Variants in TBC1D12 observed in about 807,000 individuals in gnomAD.
TBC1D12 encodes TBC1 domain family, member 12.
TBC1D12 carries 56 observed loss-of-function variants against 86.7 expected under a neutral mutation model. That is an observed-to-expected ratio of 0.65 (90% CI 0.52 to 0.81). The LOEUF (loss-of-function observed/expected upper bound fraction) is 0.81, where lower values mean the gene tolerates loss of function less well. Ranked by LOEUF, TBC1D12 falls within the 30% of genes least tolerant of loss-of-function variation. TBC1D12 has a pLI of 0.00. For missense variants in TBC1D12, 1,023 were observed against 1,038.8 expected (o/e 0.98, Z 0.21); for synonymous variants, 421 against 411.7 (o/e 1.02, Z -0.27).
chr10:94,505,504 G>A (rs556361521), intron 6 of TBC1D12, among the ~76,000 whole-genome samples: 1 of 152,226 alleles, frequency 6.6e-6, no homozygotes, highest in East Asian at 1.9e-4. Context: ...ACCCGGGAGG[G>A]GGAGGTTGCA....
chr10:94,402,866 C>T lies in TBC1D12; in HGVS notation c.253C>T (p.Leu85Phe). The T allele has an allele frequency of 6.6e-7, 1 of 1,526,296 alleles. No homozygotes were observed. The highest frequency in any genetic ancestry group is 8.8e-7 in the Non-Finnish European group (1 of 1,138,738). The allele number at this position is 1,526,296 out of a possible 1,614,324, so 94.5% of individuals were successfully genotyped here. Residue 85 changes from leucine (L) to phenylalanine (F), a missense_variant, in exon 1 of 13, where the codon CTC (leucine) becomes TTC (phenylalanine). Transcript: ENST00000225235. ...AAAGEQLEPG[L>F]CYCPLPAGQA... ...GGCCGGGGAGCAGCTGGAGCCGGGGCTCTGCTACTGTCCGCTCCCCGCTGG... is the reference window on the plus strand; with the variant it reads ...GGCCGGGGAGCAGCTGGAGCCGGGGTTCTGCTACTGTCCGCTCCCCGCTGG...
At chr10:94,461,595 T>A (rs1406972829) in intron 2 of TBC1D12, among the ~76,000 whole-genome samples, 1 of 152,158 alleles carries the variant, frequency 6.6e-6, no homozygotes, top group Non-Finnish European at 1.5e-5. Flanking sequence ...TCCTGGAGTT[T>A]TGTTTAATTT....
At chr10:94,440,371 C>G (rs2055363089) in intron 1 of TBC1D12, among the ~76,000 whole-genome samples, 2 of 151,894 alleles carry the variant, frequency 1.3e-5, no homozygotes, top group South Asian at 2.1e-4. Flanking sequence ...GAAACAGGGT[C>G]TCACTACATT....
At chr10:94,471,795 C>T (rs1015988053) in intron 2 of TBC1D12, among the ~76,000 whole-genome samples, 4 of 152,162 alleles carry the variant, frequency 2.6e-5, no homozygotes, top group Admixed American at 6.5e-5. Flanking sequence ...TCTCACTCTC[C>T]GGAGGAGAAC....
chr10:94,450,550 A>G (rs932972190), intron 2 of TBC1D12, among the ~76,000 whole-genome samples: 1 of 152,152 alleles, frequency 6.6e-6, no homozygotes. Context: ...TATCTAAAAT[A>G]CTTTTAAATG....
intron 1 of TBC1D12, among the ~76,000 whole-genome samples, chr10:94,406,892 T>A (rs940461641): frequency 6.6e-6 from 1 of 152,196 alleles, no homozygotes; most frequent in Non-Finnish European, 1.5e-5. Context: ...GAAACCAGGA[T>A]TCCTGATTTC....
At chr10:94,521,899 A>G in intron 9 of TBC1D12, 56 bp from the exon 10 acceptor site, 1 of 1,421,694 alleles carries the variant, frequency 7.0e-7, no homozygotes, top group Non-Finnish European at 9.4e-7. Context: ...AATAAAATAA[A>G]CTATATAGAT....
chr10:94,505,545 T>C (rs2056449178), intron 6 of TBC1D12, among the ~76,000 whole-genome samples: 1 of 151,848 alleles, frequency 6.6e-6, no homozygotes, highest in Admixed American at 6.6e-5. Context: ...TGCATTCCAG[T>C]CTGGGCAACA....
At position 94,495,434 on chromosome 10, in the gene TBC1D12, C is replaced by T. The variant is rs550522790; in HGVS notation, c.1295-1621C>T. On this transcript the variant is annotated intron_variant, in intron 4 of 12. Coordinates refer to ENST00000225235, the MANE Select transcript of TBC1D12 (RefSeq NM_015188.2). Reference sequence around the variant, plus strand: ...TTCTCCCACCTGGGCCTCCCAAGAGCGTTGAGATTATAGGCATGAACCACT... The same window carrying T: ...TTCTCCCACCTGGGCCTCCCAAGAGTGTTGAGATTATAGGCATGAACCACT... 1.0e-3 allele frequency among the ~76,000 whole-genome samples: 152 copies of T among 152,260 alleles called. 1 individual carries two copies. The highest frequency in any genetic ancestry group is 3.3e-3 in the African/African-American group (136 of 41,542).
chr10:94,422,252 C>T (rs1015909823), intron 1 of TBC1D12, among the ~76,000 whole-genome samples: 7 of 144,122 alleles, frequency 4.9e-5, no homozygotes, highest in South Asian at 4.4e-4. Context: ...TGCAGTGTCG[C>T]GATCTCAGCT....
At chr10:94,446,083 T>C (rs931688832) in intron 2 of TBC1D12, among the ~76,000 whole-genome samples, 3 of 152,238 alleles carry the variant, frequency 2.0e-5, no homozygotes, top group African/African-American at 7.2e-5. Context: ...GCAATTCTCA[T>C]TTTTCAAAGT....
intron 1 of TBC1D12, among the ~76,000 whole-genome samples, chr10:94,422,874 G>A (rs575010241): frequency 8.4e-4 from 128 of 152,098 alleles, no homozygotes; most frequent in Non-Finnish European, 1.7e-3. Context: ...ACCTGGCTAA[G>A]CTACCTTAAA....
At chr10:94,519,926 C>A (rs1368847488) in intron 9 of TBC1D12, among the ~76,000 whole-genome samples, 1 of 152,140 alleles carries the variant, frequency 6.6e-6, no homozygotes, top group African/African-American at 2.4e-5. Context: ...CCATGTCCAG[C>A]AACATATTCA....
intron 9 of TBC1D12, among the ~76,000 whole-genome samples, chr10:94,516,692 G>C (rs1359064665): frequency 6.6e-6 from 1 of 151,424 alleles, no homozygotes; most frequent in Non-Finnish European, 1.5e-5. Context: ...CTTGCGAACA[G>C]TTTGCTGAGA....
In TBC1D12 at chr10:94,403,265, G is replaced by C; in HGVS notation, c.652G>C (p.Asp218His). 1 of 1,502,102 alleles carries C rather than the reference G, an allele frequency of 6.7e-7. No homozygotes were observed. Among genetic ancestry groups the C allele is most frequent in the Non-Finnish European group, 8.9e-7 (1 of 1,127,528 alleles). 93.0% of individuals were successfully genotyped at this position (1,502,102 alleles called of 1,614,324 possible). ...CCAGGAGCCCGAGGGCGCGGGCAGC[G>C]ACTCGGGGGACAGCCCCGCCAGCAG... Reference protein sequence around the residue: ...DAQEPEGAGSDSGDSPASSCS... With the variant: ...DAQEPEGAGSHSGDSPASSCS... The change falls in exon 1 of 13, where the codon GAC becomes CAC. Residue 218 changes from aspartate (D) to histidine (H), a missense_variant. By Grantham distance (81) the Asp-to-His change is moderately conservative (BLOSUM62 -1). This residue lies in a region of TBC1D12 where 628 missense variants were observed against 531.1 expected (regional missense o/e 1.18). Transcript: ENST00000225235.
chr10:94,437,619 CTCTT>C (rs2055321680), intron 1 of TBC1D12, among the ~76,000 whole-genome samples: 1 of 152,062 alleles, frequency 6.6e-6, no homozygotes, highest in Non-Finnish European at 1.5e-5. Context: ...TTTTTTCTGC[CTCTT>C]TGTCTTTCCC....
Position 94,510,226 on chromosome 10 carries a change from A to G in TBC1D12, c.1689+47A>G, listed in dbSNP as rs766133182. 19 of 1,354,522 alleles carry G rather than the reference A, an allele frequency of 1.4e-5. No individual in the cohort carries two copies. The South Asian group carries it at 2.5e-4, about 18-fold the overall frequency. The allele number at this position is 1,354,522 out of a possible 1,614,324, so 83.9% of individuals were successfully genotyped here. A position where few individuals can be genotyped will look rare whatever the true frequency, so the allele number is the denominator to read the frequency against. ...GTAATTACTTAAAAAAAATCTATCA[A>G]TATCCAAGGCAACAGATTCTTTAAA... On this transcript the variant is annotated intron_variant, in intron 8 of 12. Coordinates refer to ENST00000225235, the MANE Select transcript of TBC1D12 (RefSeq NM_015188.2).
intron 1 of TBC1D12, among the ~76,000 whole-genome samples, chr10:94,420,881 G>C (rs772081056): frequency 1.3e-5 from 2 of 152,018 alleles, no homozygotes; most frequent in Non-Finnish European, 2.9e-5. Flanking sequence ...TTTAATTGAC[G>C]AATGTATATT....
chr10:94,503,315 C>T (rs1020263453), intron 6 of TBC1D12, among the ~76,000 whole-genome samples: 7 of 152,140 alleles, frequency 4.6e-5, no homozygotes, highest in Non-Finnish European at 8.8e-5. Flanking sequence ...ATTACCCATA[C>T]GAGGATGACT....
Sources: allele counts gnomAD v4.1 joint callset (sites outside exome capture counted in the v4.1 genomes callset), GRCh38; gene constraint gnomAD v4.1.1; regional missense constraint gnomAD v4.1.1; transcripts MANE v1.5; gene names NCBI Gene and HGNC (gene_info 2026-07-23, HGNC 2026-07-21).